The following GRM4 variants were observed in gnomAD, a reference collection of about 807,000 sequenced individuals.
GRM4 encodes the protein metabotropic glutamate receptor 4.
A neutral mutation model predicts 81.7 loss-of-function variants in GRM4; 28 were observed. The observed-to-expected ratio is 0.34, with a 90% CI of 0.25 to 0.47. GRM4 has a LOEUF of 0.47. Ranked by LOEUF, GRM4 falls within the 20% of genes least tolerant of loss-of-function variation. GRM4 has a pLI of 1.00. For missense variants in GRM4, 948 were observed against 1,290.0 expected (o/e 0.73, Z 4.06); for synonymous variants, 488 against 528.8 (o/e 0.92, Z 1.06).
chr6:34,132,676 G>A (rs1197779243), intron 2 of GRM4, among the ~76,000 whole-genome samples: 1 of 152,174 alleles, frequency 6.6e-6, no homozygotes, highest in African/African-American at 2.4e-5. Flanking sequence ...TCCCCAGAGA[G>A]GAGTGGAGTT....
intron 10 of GRM4, chr6:34,024,721 C>T: frequency 4.4e-6 from 2 of 455,866 alleles, no homozygotes; most frequent in Non-Finnish European, 4.4e-6. Context: ...TCCCTGTCAA[C>T]AGAAAAATTC....
intron 6 of GRM4, among the ~76,000 whole-genome samples, chr6:34,051,988 A>C (rs1439028932): frequency 1.3e-5 from 2 of 152,198 alleles, no homozygotes; most frequent in Non-Finnish European, 2.9e-5. Context: ...TATGCTTGAG[A>C]AAGAATGAGT....
upstream of GRM4, among the ~76,000 whole-genome samples, chr6:34,150,221 A>C (rs563456036): frequency 4.6e-5 from 7 of 152,304 alleles, no homozygotes; most frequent in Non-Finnish European, 7.4e-5. Context: ...GGCTGGGGCC[A>C]AGCAGGCTAA....
chr6:34,154,979 T>G (rs527274210), intron 1 of GRM4: 2 of 1,011,072 alleles, frequency 2.0e-6, no homozygotes, highest in Middle Eastern at 3.0e-4. Context: ...CTGGGGCGGG[T>G]CCGAGCGGGA....
intron 2 of GRM4, among the ~76,000 whole-genome samples, chr6:34,096,053 ATGGTGCCCGCCC>A (rs1024499732): frequency 6.6e-6 from 1 of 152,104 alleles, no homozygotes; most frequent in Admixed American, 6.5e-5. Flanking sequence ...GAGGGAGGGA[ATGGTGCCCGCCC>A]TGGTGCCAGC....
At position 34,103,049 on chromosome 6, in the gene GRM4, C is replaced by A. The variant is rs1768923440; in HGVS notation, c.520-10950G>T. ...TCAGGCAGGACCCTCCCTCTGGCATCCCTCACCTCCTGGGGCCTGTCACAC... is the reference window on the plus strand; with the variant it reads ...TCAGGCAGGACCCTCCCTCTGGCATACCTCACCTCCTGGGGCCTGTCACAC... On this transcript the variant is annotated intron_variant, in intron 2 of 10. Coordinates refer to ENST00000538487, the MANE Select transcript of GRM4 (RefSeq NM_000841.4). Among the ~76,000 whole-genome samples, 3 of 152,330 alleles carry A rather than the reference C, an allele frequency of 2.0e-5. No individual in the cohort carries two copies. The South Asian group carries it at 6.2e-4, about 32-fold the overall frequency.
At chr6:34,123,535 G>A (rs935698336) in intron 2 of GRM4, among the ~76,000 whole-genome samples, 2 of 152,088 alleles carry the variant, frequency 1.3e-5, no homozygotes, top group East Asian at 1.9e-4. Flanking sequence ...TGAGATGAGC[G>A]AGGTCCAGGA....
At position 34,035,559 on chromosome 6, in the gene GRM4, T is replaced by TGAAAGAAGGCGGAATGAGGCAA; in HGVS notation, c.2442+108_2442+109insTTGCCTCATTCCGCCTTCTTTC. 1 of 581,980 alleles carries TGAAAGAAGGCGGAATGAGGCAA rather than the reference T, an allele frequency of 1.7e-6. No homozygotes were observed. The highest frequency in any genetic ancestry group is 2.4e-5 in the South Asian group (1 of 41,814). 36.1% of individuals were successfully genotyped at this position (581,980 alleles called of 1,614,324 possible). A position where few individuals can be genotyped will look rare whatever the true frequency, so the allele number is the denominator to read the frequency against. On this transcript the variant is annotated intron_variant, in intron 9 of 10. Coordinates refer to ENST00000538487, the MANE Select transcript of GRM4 (RefSeq NM_000841.4). This position sits in a 1 kb window ranked among gnomAD's most constrained non-coding sequence, Gnocchi z 6.6. Reference sequence around the variant, plus strand: ...GCAAGAAAGAAGGCAGAATGAGGCATGAAAGAAGGCATTTCTGGAGCAGGG... The same window carrying TGAAAGAAGGCGGAATGAGGCAA: ...GCAAGAAAGAAGGCAGAATGAGGCATGAAAGAAGGCGGAATGAGGCAAGAAAGAAGGCATTTCTGGAGCAGGG...
At chr6:34,086,412 T>C (rs1394347628) in intron 3 of GRM4, among the ~76,000 whole-genome samples, 1 of 152,152 alleles carries the variant, frequency 6.6e-6, no homozygotes, top group Non-Finnish European at 1.5e-5. Flanking sequence ...GGAATATCAA[T>C]GGAGGGCACA....
At chr6:34,085,674 T>C (rs1469057136) in intron 3 of GRM4, among the ~76,000 whole-genome samples, 2 of 152,238 alleles carry the variant, frequency 1.3e-5, no homozygotes, top group Non-Finnish European at 2.9e-5. Flanking sequence ...AACTACTATG[T>C]GCCAGGGCTG....
chr6:34,053,305 C>T (rs931081212), intron 6 of GRM4, among the ~76,000 whole-genome samples: 2 of 152,220 alleles, frequency 1.3e-5, no homozygotes, highest in Admixed American at 6.5e-5. Context: ...GTCACTCCAG[C>T]CCTCCTGGCC....
rs1170397949 is a variant in GRM4, at chr6:34,136,900, T to C, written c.-363-3041A>G. 7.0e-6 allele frequency among the ~76,000 whole-genome samples: 1 copy of C among 141,934 alleles called. No homozygotes were observed. The highest frequency in any genetic ancestry group is 2.7e-5 in the African/African-American group (1 of 37,588). 93.1% of individuals were successfully genotyped at this position (141,934 alleles called of 152,430 possible). On this transcript the variant is annotated intron_variant, in intron 1 of 10. Coordinates refer to ENST00000538487, the MANE Select transcript of GRM4 (RefSeq NM_000841.4). The surrounding 1 kb of genome is among the most constrained non-coding windows in gnomAD (Gnocchi z 4.1). The stretch of plus-strand genomic sequence containing the variant: ...GGGAAAAGTAAAAATACCCCATGAG[T>C]GAAAGGAGCCACTGAGAGCAGAGGC...
intron 9 of GRM4, among the ~76,000 whole-genome samples, chr6:34,029,824 A>G (rs1241669826): frequency 6.6e-6 from 1 of 152,222 alleles, no homozygotes; most frequent in Non-Finnish European, 1.5e-5. Context: ...GCCCAAGCCA[A>G]GGCACTGACA....
In GRM4 at chr6:34,152,307, C is replaced by T; in HGVS notation, c.312+2772G>A. On this transcript the variant is annotated intron_variant, in intron 1 of 8. Coordinates refer to the GRM4 transcript ENST00000374177. This position sits in a 1 kb window ranked among gnomAD's most constrained non-coding sequence, Gnocchi z 4.1. Reference sequence around the variant, plus strand: ...CTCAGGCCACCTCCAAGCCTGGCTGCTGCGGTATCTCCAGCACGGACACCA... The same window carrying T: ...CTCAGGCCACCTCCAAGCCTGGCTGTTGCGGTATCTCCAGCACGGACACCA... 6.6e-6 allele frequency among the ~76,000 whole-genome samples: 1 copy of T among 152,212 alleles called. No homozygotes were observed. The highest frequency in any genetic ancestry group is 1.9e-4 in the East Asian group (1 of 5,190).
intron 1 of GRM4, among the ~76,000 whole-genome samples, chr6:34,135,768 C>T (rs1770431157): frequency 6.6e-6 from 1 of 152,184 alleles, no homozygotes; most frequent in Non-Finnish European, 1.5e-5. Flanking sequence ...GATGCAAGTA[C>T]CAGGTAATTC....
intron 6 of GRM4, among the ~76,000 whole-genome samples, chr6:34,045,901 ATGCATTTG>A (rs1405714002): frequency 1.3e-5 from 2 of 152,166 alleles, no homozygotes; most frequent in African/African-American, 4.8e-5. Context: ...TGAGGCAGAG[ATGCATTTG>A]GCTCTGCCAT....
chr6:34,063,662 G>A (rs1766295862), intron 3 of GRM4: 1 of 152,436 alleles, frequency 6.6e-6, no homozygotes, highest in African/African-American at 2.4e-5. Flanking sequence ...GGGGGAGAAG[G>A]AGCAAGGTGC....
chr6:34,096,292 T>C (rs375057584), intron 2 of GRM4, among the ~76,000 whole-genome samples: 198 of 152,258 alleles, frequency 1.3e-3, no homozygotes, highest in African/African-American at 3.6e-3. Context: ...TATTTTCCTC[T>C]GTCCCCAGAG....
intron 4 of GRM4, chr6:34,061,537 G>T (rs190728650): frequency 7.6e-4 from 162 of 212,638 alleles, no homozygotes; most frequent in Middle Eastern, 4.9e-3. Flanking sequence ...GCCCAGAGAG[G>T]TTAAGAAATT....
Sources: allele counts gnomAD v4.1 joint callset (sites outside exome capture counted in the v4.1 genomes callset), GRCh38; gene constraint gnomAD v4.1.1; non-coding constraint Gnocchi (gnomAD v3.1); transcripts MANE v1.5; gene names NCBI Gene and HGNC (gene_info 2026-07-23, HGNC 2026-07-21).